LRRC8B: variants seen among roughly 807,000 people sequenced by gnomAD.
LRRC8B encodes volume-regulated anion channel subunit LRRC8B.
LRRC8B carries 23 observed loss-of-function variants against 58.8 expected under a neutral mutation model. That is an observed-to-expected ratio of 0.39 (90% CI 0.28 to 0.55). LRRC8B has a LOEUF of 0.55. LRRC8B is among the 20% of genes least tolerant of loss of function. The probability of loss-of-function intolerance (pLI) is 0.62; values close to 1 mark genes in which losing one functional copy is unlikely to be tolerated. For synonymous variants in LRRC8B, 359 were observed against 374.1 expected (o/e 0.96, Z 0.47); for missense variants, 694 against 936.0 (o/e 0.74, Z 3.37).
intron 1 of LRRC8B, among the ~76,000 whole-genome samples, chr1:89,535,929 G>T (rs905315580): frequency 6.6e-6 from 1 of 152,068 alleles, no homozygotes; most frequent in Non-Finnish European, 1.5e-5. Context: ...AATTGAGAGG[G>T]AGAGGACAAC....
intron 1 of LRRC8B, among the ~76,000 whole-genome samples, chr1:89,560,562 G>A (rs1229555437): frequency 2.3e-4 from 32 of 137,260 alleles, no homozygotes; most frequent in African/African-American, 8.2e-4. Context: ...ACAGTCCCCA[G>A]AGTGTGATAT....
intron 1 of LRRC8B, among the ~76,000 whole-genome samples, chr1:89,560,459 A>G (rs1401943223): frequency 6.6e-6 from 1 of 151,408 alleles, no homozygotes; most frequent in Non-Finnish European, 1.5e-5. Context: ...ATATGTATAC[A>G]TGTGCCATGC....
chr1:89,547,542 G>C (rs1046891058), intron 1 of LRRC8B, among the ~76,000 whole-genome samples: 3 of 152,278 alleles, frequency 2.0e-5, no homozygotes, highest in South Asian at 4.1e-4. Flanking sequence ...TAAATTGCCT[G>C]TACCTAGTAG....
At chr1:89,538,814 G>A (rs1030718936) in intron 1 of LRRC8B, among the ~76,000 whole-genome samples, 31 of 151,966 alleles carry the variant, frequency 2.0e-4, no homozygotes, top group African/African-American at 7.5e-4. Flanking sequence ...TCCACCTACC[G>A]GGTTCAAGCG....
intron 1 of LRRC8B, chr1:89,550,035 C>T (rs1438287912): frequency 6.6e-6 from 1 of 152,114 alleles, no homozygotes; most frequent in Non-Finnish European, 1.5e-5. Flanking sequence ...GACCCTGTGG[C>T]CAAAGCTAGG....
At chr1:89,554,498 G>A (rs1446931222) in intron 1 of LRRC8B, among the ~76,000 whole-genome samples, 1 of 152,052 alleles carries the variant, frequency 6.6e-6, no homozygotes, top group Non-Finnish European at 1.5e-5. Context: ...TGAGATTTAG[G>A]TCTGAGTGTG....
At chr1:89,531,574 G>T (rs1443259483) in intron 1 of LRRC8B, among the ~76,000 whole-genome samples, 1 of 152,184 alleles carries the variant, frequency 6.6e-6, no homozygotes, top group African/African-American at 2.4e-5. Flanking sequence ...GCAGCCCTCA[G>T]ATAGAATAGA....
At chr1:89,530,882 G>A (rs1650078835) in intron 1 of LRRC8B, among the ~76,000 whole-genome samples, 1 of 152,110 alleles carries the variant, frequency 6.6e-6, no homozygotes, top group South Asian at 2.1e-4. Flanking sequence ...GTGTCCTGCT[G>A]AGCTATTAGG....
At chr1:89,571,164 C>A (rs1201116031) in intron 3 of LRRC8B, among the ~76,000 whole-genome samples, 1 of 152,022 alleles carries the variant, frequency 6.6e-6, no homozygotes, top group African/African-American at 2.4e-5. Flanking sequence ...AGCTTTGTTC[C>A]TTTTGCTTAG....
chr1:89,559,124 G>A (rs1331488479), intron 1 of LRRC8B: 1 of 152,340 alleles, frequency 6.6e-6, no homozygotes, highest in East Asian at 1.9e-4. Context: ...TATATAGCCA[G>A]GAAGATGTTG....
At chr1:89,557,373 C>A (rs909378704) in intron 1 of LRRC8B, among the ~76,000 whole-genome samples, 6 of 152,192 alleles carry the variant, frequency 3.9e-5, no homozygotes, top group African/African-American at 1.4e-4. Flanking sequence ...AGGCCAAAAG[C>A]ATCCTCTTTT....
chr1:89,553,034 G>A (rs1651935445), intron 1 of LRRC8B, among the ~76,000 whole-genome samples: 1 of 152,114 alleles, frequency 6.6e-6, no homozygotes. Context: ...GCCTGTTGCT[G>A]GGAAATATTT....
chr1:89,534,443 T>C (rs1650371924), intron 1 of LRRC8B, among the ~76,000 whole-genome samples: 1 of 152,192 alleles, frequency 6.6e-6, no homozygotes, highest in Admixed American at 6.5e-5. Flanking sequence ...TTTATTCCTC[T>C]TCTGTAAAAC....
At chr1:89,576,626 A>G (rs951807024) in intron 3 of LRRC8B, among the ~76,000 whole-genome samples, 3 of 152,146 alleles carry the variant, frequency 2.0e-5, no homozygotes, top group Non-Finnish European at 4.4e-5. Flanking sequence ...CAAATTGGCA[A>G]CTCTGAGGGA....
intron 5 of LRRC8B, among the ~76,000 whole-genome samples, chr1:89,587,180 G>T (rs1654682519): frequency 6.6e-6 from 1 of 152,106 alleles, no homozygotes; most frequent in African/African-American, 2.4e-5. Context: ...CTCCAGACAG[G>T]GACTGCCAGA....
rs1048028113 is a variant in LRRC8B at position 89,561,171 on chromosome 1, T to C, written c.-240-7076T>C. On this transcript the variant is annotated intron_variant, in intron 1 of 5. Transcript: ENST00000330947. ...AGCATTTTTTCATGTGTTTTTTGGCTGCATAAAGGTCTTCTTTTGAGAAGT... is the reference window on the plus strand; with the variant it reads ...AGCATTTTTTCATGTGTTTTTTGGCCGCATAAAGGTCTTCTTTTGAGAAGT... Among the ~76,000 whole-genome samples the C allele has an allele frequency of 9.2e-3, 1,393 of 152,074 alleles. 22 individuals carry two copies. The highest frequency in any genetic ancestry group is 0.032 in the African/African-American group (1,321 of 41,476).
At chr1:89,546,873 ATTAT>A (rs145699004) in intron 1 of LRRC8B, among the ~76,000 whole-genome samples, 5,067 of 152,312 alleles carry the variant, frequency 0.033, 108 homozygotes, top group Non-Finnish European at 0.047. Context: ...GGAATTGTTA[ATTAT>A]TTGTATATGA....
intron 1 of LRRC8B, among the ~76,000 whole-genome samples, chr1:89,551,739 C>T (rs1015596306): frequency 3.9e-5 from 6 of 152,114 alleles, no homozygotes; most frequent in African/African-American, 7.2e-5. Context: ...GACTGACTAG[C>T]GGTCTGGCCT....
rs112888232 is a variant in LRRC8B at position 89,528,047 on chromosome 1, C to T, written c.-241+3025C>T. Among the ~76,000 whole-genome samples, 517 of 152,300 alleles carry T rather than the reference C, an allele frequency of 3.4e-3. 2 individuals are homozygous for T. The highest frequency in any genetic ancestry group is 0.011 in the South Asian group (53 of 4,828). ...CCTTTTTGCTGCTTTTGATATGGGT[C>T]ATGTGATTCTGCTTGTTTCTTTCTA... On this transcript the variant is annotated intron_variant, in intron 1 of 5. Transcript: ENST00000330947.
Sources: gnomAD v4.1 joint callset for allele counts (sites outside exome capture counted in the v4.1 genomes callset) on GRCh38, gnomAD v4.1.1 for gene constraint, MANE v1.5 for transcripts, NCBI Gene and HGNC (gene_info 2026-07-23, HGNC 2026-07-21) for gene names.